The following CDYL variants were observed in gnomAD, a reference collection of about 807,000 sequenced individuals.
CDYL encodes chromodomain Y like.
A neutral mutation model predicts 47.3 loss-of-function variants in CDYL; 8 were observed. The ratio of observed to expected loss-of-function variants is 0.17; its 90% CI spans 0.10 to 0.31. The LOEUF (loss-of-function observed/expected upper bound fraction) is 0.31, where lower values mean the gene tolerates loss of function less well. CDYL is among the 10% of genes least tolerant of loss of function. The pLI is 1.00. For missense variants in CDYL, 471 were observed against 701.4 expected, an observed-to-expected ratio of 0.67 and a Z score of 3.71; for synonymous variants, 266 against 265.0, an observed-to-expected ratio of 1.00 and a Z score of -0.04.
chr6:4,724,377 G>A (rs549019915), intron 2 of CDYL: 2 of 152,326 alleles, frequency 1.3e-5, no homozygotes, highest in Admixed American at 6.5e-5. Context: ...TTCCAAAGGT[G>A]AGGGTGTCTT....
At chr6:4,835,725 C>A (rs183896852) in intron 1 of CDYL, among the ~76,000 whole-genome samples, 1 of 152,346 alleles carries the variant, frequency 6.6e-6, no homozygotes, top group African/African-American at 2.4e-5. Flanking sequence ...CTGTGGTGGG[C>A]TCCACCCAGT....
intron 1 of CDYL, among the ~76,000 whole-genome samples, chr6:4,860,416 C>T (rs774777674): frequency 6.6e-5 from 10 of 150,968 alleles, no homozygotes; most frequent in Admixed American, 2.0e-4. Flanking sequence ...CAGGTGCTAG[C>T]ATATGGGAAG....
At chr6:4,894,858 T>C (rs1762152698) in intron 2 of CDYL, among the ~76,000 whole-genome samples, 1 of 61,626 alleles carries the variant, frequency 1.6e-5, no homozygotes, top group South Asian at 9.9e-4. Flanking sequence ...TGTGTGTGTA[T>C]ATGTGTATAT....
intron 1 of CDYL, among the ~76,000 whole-genome samples, chr6:4,831,464 C>T (rs1760142092): frequency 6.6e-6 from 1 of 152,138 alleles, no homozygotes; most frequent in African/African-American, 2.4e-5. Flanking sequence ...CAGTACCATG[C>T]TGTTTTGGTT....
intron 3 of CDYL, among the ~76,000 whole-genome samples, chr6:4,752,745 AGAC>A (rs1310929521): frequency 3.9e-5 from 6 of 152,158 alleles, no homozygotes; most frequent in Non-Finnish European, 7.4e-5. Context: ...AGGATCTTAC[AGAC>A]CCTGCCTCAT....
At chr6:4,822,155 T>C (rs1465913049) in intron 1 of CDYL, among the ~76,000 whole-genome samples, 1 of 151,830 alleles carries the variant, frequency 6.6e-6, no homozygotes, top group Admixed American at 6.6e-5. Flanking sequence ...TCTTTATTTT[T>C]TTTTTCTTTC....
At chr6:4,897,070 TATCA>T (rs1490005124) in intron 2 of CDYL, among the ~76,000 whole-genome samples, 1 of 152,264 alleles carries the variant, frequency 6.6e-6, no homozygotes, top group African/African-American at 2.4e-5. Flanking sequence ...TCTTTCTCTC[TATCA>T]ATGTTTAATG....
upstream of CDYL, among the ~76,000 whole-genome samples, chr6:4,774,346 C>A (rs1758384488): frequency 6.6e-6 from 1 of 152,194 alleles, no homozygotes; most frequent in African/African-American, 2.4e-5. Context: ...TGTATAAAAT[C>A]CTAGTCCTTG....
rs1289179567 is a variant in CDYL at position 4,840,834 on chromosome 6, C to T, written c.25-50879C>T. On this transcript the variant is annotated intron_variant, in intron 1 of 6. Transcript: ENST00000397588. ...GGATTTTTGCATCTATATTCATCAG[C>T]GATTTTTTTGTTTTGTTATGTTTTT... 7.3e-5 allele frequency among the ~76,000 whole-genome samples: 11 copies of T among 151,400 alleles called. No homozygotes were observed. The East Asian group carries it at 1.5e-3, about 21-fold the overall frequency.
At chr6:4,776,237 C>A (rs954906053), upstream of CDYL, among the ~76,000 whole-genome samples, 1 of 143,206 alleles carries the variant, frequency 7.0e-6, no homozygotes, top group African/African-American at 2.5e-5. Flanking sequence ...CCCCGCCGGC[C>A]GCCCGCCTCG....
At chr6:4,735,442 A>G (rs1757685626) in intron 3 of CDYL, among the ~76,000 whole-genome samples, 1 of 152,086 alleles carries the variant, frequency 6.6e-6, no homozygotes, top group Non-Finnish European at 1.5e-5. Context: ...AAATCACTTT[A>G]TTAGGATATA....
chr6:4,845,628 A>G (rs946438636), intron 1 of CDYL, among the ~76,000 whole-genome samples: 1 of 152,228 alleles, frequency 6.6e-6, no homozygotes, highest in Non-Finnish European at 1.5e-5. Flanking sequence ...TATCTATTGC[A>G]ACTCAACTTC....
At chr6:4,951,275 T>C (rs1258684405) in intron 5 of CDYL, among the ~76,000 whole-genome samples, 4 of 152,052 alleles carry the variant, frequency 2.6e-5, no homozygotes, top group East Asian at 1.9e-4. Flanking sequence ...GTTAGGAAGG[T>C]TAACCGGGCA....
At chr6:4,873,097 C>G (rs1761520469) in intron 1 of CDYL, among the ~76,000 whole-genome samples, 1 of 152,180 alleles carries the variant, frequency 6.6e-6, no homozygotes. Context: ...CATATATAGA[C>G]ATGATTCAAT....
chr6:4,719,757 ATCT>A (rs1222395189), intron 2 of CDYL, among the ~76,000 whole-genome samples: 2 of 152,110 alleles, frequency 1.3e-5, no homozygotes, highest in Admixed American at 1.3e-4. Flanking sequence ...ATAATGAGAG[ATCT>A]TCTTGATCTT....
At chr6:4,895,590 C>G (rs1166123972) in intron 2 of CDYL, among the ~76,000 whole-genome samples, 3 of 151,408 alleles carry the variant, frequency 2.0e-5, no homozygotes, top group Middle Eastern at 3.4e-3. Context: ...TTTGAGAACC[C>G]TTGATTTTCA....
intron 2 of CDYL, among the ~76,000 whole-genome samples, chr6:4,725,678 G>C (rs1170303329): frequency 6.6e-6 from 1 of 152,210 alleles, no homozygotes; most frequent in Non-Finnish European, 1.5e-5. Flanking sequence ...GGTTCCGCCC[G>C]CGCCTCTCCC....
At chr6:4,740,646 T>A (rs1340474500) in intron 3 of CDYL, among the ~76,000 whole-genome samples, 2 of 152,182 alleles carry the variant, frequency 1.3e-5, no homozygotes, top group African/African-American at 4.8e-5. Context: ...TTTCTAATCT[T>A]TCTTTCTAAT....
intron 2 of CDYL, among the ~76,000 whole-genome samples, chr6:4,929,913 T>C (rs1439527475): frequency 6.6e-6 from 1 of 152,166 alleles, no homozygotes; most frequent in Non-Finnish European, 1.5e-5. Flanking sequence ...ACATTGTGAT[T>C]TACATTTTGG....
Sources: gnomAD v4.1 joint callset for allele counts (sites outside exome capture counted in the v4.1 genomes callset) on GRCh38, gnomAD v4.1.1 for gene constraint, MANE v1.5 for transcripts, NCBI Gene and HGNC (gene_info 2026-07-23, HGNC 2026-07-21) for gene names.